C14orf39: variants seen among roughly 807,000 people sequenced by gnomAD.
C14orf39 encodes chromosome 14 open reading frame 39, also known as protein SIX6OS1.
A neutral mutation model predicts 85.6 loss-of-function variants in C14orf39; 66 were observed. That is an observed-to-expected ratio of 0.77 (90% CI 0.63 to 0.95). The LOEUF is 0.95. C14orf39 is among the 40% of genes least tolerant of loss of function. C14orf39 has a pLI of 0.00. For missense variants in C14orf39, 735 were observed against 663.9 expected, an observed-to-expected ratio of 1.11 and a Z score of -1.18; for synonymous variants, 242 against 214.0, an observed-to-expected ratio of 1.13 and a Z score of -1.14.
intron 10 of C14orf39, 130 bp from the exon 11 acceptor site, chr14:60,466,185 G>T (rs574596546): frequency 7.0e-6 from 3 of 426,180 alleles, no homozygotes; most frequent in East Asian, 3.9e-5. Context: ...ATTAAAATAC[G>T]GAATTATGAA....
At chr14:60,502,504 A>G (rs1249675212) in intron 1 of C14orf39, among the ~76,000 whole-genome samples, 1 of 152,254 alleles carries the variant, frequency 6.6e-6, no homozygotes, top group East Asian at 1.9e-4. Context: ...CCCAATTTTA[A>G]TAGCTGTAAA....
In C14orf39 at chr14:60,469,616, G is replaced by A; in HGVS notation, c.592C>T (p.His198Tyr). Reference protein sequence around the residue: ...LRCETQDILKHASNLTKSSSE... With the variant: ...LRCETQDILKYASNLTKSSSE... ...GAACTTTTGGTAAGATTGCTGGCAT[G>A]TTTAAGAATATCTTGTGTTTCACAT... Residue 198 changes from histidine to tyrosine, a missense_variant, in exon 8 of 18, where the codon CAT (histidine) becomes TAT (tyrosine). His to Tyr is a moderately conservative substitution (Grantham distance 83). Coordinates refer to ENST00000321731, the MANE Select transcript of C14orf39 (RefSeq NM_174978.3). The A allele has an allele frequency of 6.6e-7, 1 of 1,504,840 alleles. No individual in the cohort carries two copies. Among genetic ancestry groups the A allele is most frequent in the South Asian group, 1.3e-5 (1 of 74,264 alleles). 93.2% of individuals were successfully genotyped at this position (1,504,840 alleles called of 1,614,324 possible). A position where few individuals can be genotyped will look rare whatever the true frequency, so the allele number is the denominator to read the frequency against.
At chr14:60,465,891 C>T (rs934753049) in intron 11 of C14orf39, 88 bp downstream of exon 11, 6 of 407,682 alleles carry the variant, frequency 1.5e-5, no homozygotes, top group African/African-American at 2.6e-5. Flanking sequence ...CACACACACA[C>T]ACGTCTGTGT....
upstream of C14orf39, among the ~76,000 whole-genome samples, chr14:60,490,681 C>T (rs1892977259): frequency 6.6e-6 from 1 of 151,836 alleles, no homozygotes; most frequent in Non-Finnish European, 1.5e-5. Context: ...CACAAAACTC[C>T]CCAGAATAGC....
intron 17 of C14orf39, among the ~76,000 whole-genome samples, chr14:60,440,518 CTCA>C (rs1397771030): frequency 1.3e-5 from 2 of 152,204 alleles, no homozygotes; most frequent in Non-Finnish European, 2.9e-5. Context: ...ACTACTACTA[CTCA>C]TCAATTCTCA....
intron 16 of C14orf39, among the ~76,000 whole-genome samples, chr14:60,453,969 A>C (rs961752103): frequency 6.6e-6 from 1 of 151,866 alleles, no homozygotes; most frequent in Non-Finnish European, 1.5e-5. Flanking sequence ...CAAAGTGTAC[A>C]TGTTTCCTAT....
chr14:60,510,869 G>T (rs546622057), intron 1 of C14orf39, among the ~76,000 whole-genome samples: 2 of 152,368 alleles, frequency 1.3e-5, no homozygotes, highest in South Asian at 4.1e-4. Context: ...GAAAGGGCGC[G>T]AATCATGGTG....
At chr14:60,503,827 C>T (rs1352804967) in intron 1 of C14orf39, among the ~76,000 whole-genome samples, 3 of 152,168 alleles carry the variant, frequency 2.0e-5, no homozygotes, top group Admixed American at 2.0e-4. Context: ...ATGGCCTAGA[C>T]CCAAGATGAA....
chr14:60,442,032 A>G (rs765832894), intron 17 of C14orf39, 42 bp downstream of exon 17: 4 of 1,377,734 alleles, frequency 2.9e-6, no homozygotes, highest in Admixed American at 1.7e-5. Context: ...TGTACTAATG[A>G]GTTAACATGT....
intron 7 of C14orf39, among the ~76,000 whole-genome samples, chr14:60,470,424 G>A (rs112564239): frequency 1.3e-5 from 2 of 151,830 alleles, no homozygotes; most frequent in Admixed American, 6.6e-5. Context: ...AAAATTTCAA[G>A]TGAATCATGA....
intron 1 of C14orf39, among the ~76,000 whole-genome samples, chr14:60,508,713 G>A (rs1893241530): frequency 6.6e-6 from 1 of 152,138 alleles, no homozygotes; most frequent in African/African-American, 2.4e-5. Context: ...TGCTCCCACC[G>A]CAAGGTTTGC....
rs748445609 is a variant in C14orf39 at position 60,471,573 on chromosome 14, TTTCA to T, written c.486_489del (p.Asn162LysfsTer5). 119 of 1,592,940 alleles carry T rather than the reference TTTCA, an allele frequency of 7.5e-5. No homozygotes were observed. Among genetic ancestry groups the T allele is most frequent in the Non-Finnish European group, 9.9e-5 (116 of 1,173,354 alleles). Reference sequence around the variant, plus strand: ...ATACCTCGAAATTTCATAAAAATTGTTTCATTCATTTTTAATTGTTCAGTACATG... The same window carrying T: ...ATACCTCGAAATTTCATAAAAATTGTTTCATTTTTAATTGTTCAGTACATG... On this transcript the variant is annotated frameshift_variant, in exon 6 of 18. Coordinates refer to ENST00000321731, the MANE Select transcript of C14orf39 (RefSeq NM_174978.3). LOFTEE classifies it high-confidence loss of function.
rs180975570 is a variant in C14orf39 at position 60,439,273 on chromosome 14, G to T, written c.1562-2226C>A. ...GATAGTCAGTGGGGGAGTCACTGAA[G>T]GTAACTGATTAGGGCAGTGACATGG... is the stretch of plus-strand genomic sequence containing the variant. On this transcript the variant is annotated intron_variant, in intron 17 of 17. Coordinates refer to ENST00000321731, the MANE Select transcript of C14orf39 (RefSeq NM_174978.3). 6.6e-5 allele frequency among the ~76,000 whole-genome samples: 10 copies of T among 152,254 alleles called. No homozygotes were observed. The East Asian group carries it at 1.7e-3, about 26-fold the overall frequency.
At chr14:60,467,575 ATATT>A (rs1336477611) in intron 9 of C14orf39, among the ~76,000 whole-genome samples, 2 of 151,906 alleles carry the variant, frequency 1.3e-5, no homozygotes, top group Non-Finnish European at 1.5e-5. Flanking sequence ...AAATGACTAA[ATATT>A]TATATGTTTC....
intron 2 of C14orf39, among the ~76,000 whole-genome samples, chr14:60,493,360 G>C (rs1187224938): frequency 6.6e-6 from 1 of 152,096 alleles, no homozygotes; most frequent in Non-Finnish European, 1.5e-5. Flanking sequence ...CTAAATATAT[G>C]ACAGATCTTG....
At chr14:60,473,594 G>C (rs539921142) in intron 5 of C14orf39, among the ~76,000 whole-genome samples, 2 of 152,188 alleles carry the variant, frequency 1.3e-5, no homozygotes, top group African/African-American at 4.8e-5. Context: ...GCGTAAGGAA[G>C]GGATCCAGTT....
chr14:60,486,372 TACA>T (rs1892893747), upstream of C14orf39, among the ~76,000 whole-genome samples: 1 of 152,188 alleles, frequency 6.6e-6, no homozygotes, highest in Non-Finnish European at 1.5e-5. Context: ...TATTTTGGAG[TACA>T]ACAATAAAAT....
intron 16 of C14orf39, 57 bp from the exon 17 acceptor site, chr14:60,442,188 G>C (rs1442032087): frequency 9.2e-7 from 1 of 1,081,510 alleles, no homozygotes; most frequent in Non-Finnish European, 1.4e-6. Flanking sequence ...AGTATATATA[G>C]TACATATATT....
chr14:60,442,599 AT>A (rs1890573068), intron 16 of C14orf39, among the ~76,000 whole-genome samples: 1 of 152,180 alleles, frequency 6.6e-6, no homozygotes, highest in South Asian at 2.1e-4. Flanking sequence ...TTCACATTGC[AT>A]TGTGAGCATT....
Sources: allele counts gnomAD v4.1 joint callset (sites outside exome capture counted in the v4.1 genomes callset), GRCh38; gene constraint gnomAD v4.1.1; transcripts MANE v1.5; gene names NCBI Gene and HGNC (gene_info 2026-07-23, HGNC 2026-07-21).